The following CTSE variants were observed in gnomAD, a reference collection of about 807,000 sequenced individuals.
CTSE encodes erythrocyte membrane aspartic proteinase.
In CTSE, 43 loss-of-function variants were observed where a neutral mutation model predicts 42.8. That is an observed-to-expected ratio of 1.01 (90% CI 0.79 to 1.30). The LOEUF (loss-of-function observed/expected upper bound fraction) is 1.30, where lower values mean the gene tolerates loss of function less well. Ranked by LOEUF, CTSE falls within the 50% of genes most tolerant of loss-of-function variation. CTSE has a pLI of 0.00. For synonymous variants in CTSE, 205 were observed against 191.5 expected (o/e 1.07, Z -0.58); for missense variants, 532 against 493.5 (o/e 1.08, Z -0.74).
chr1:206,017,695 TC>T (rs1661300157), intron 4 of CTSE, among the ~76,000 whole-genome samples: 2 of 151,952 alleles, frequency 1.3e-5, no homozygotes, highest in South Asian at 4.2e-4. Context: ...GTCAGGCTGG[TC>T]TCAAACTCCT....
chr1:206,010,384 G>T (rs1661058505), intron 8 of CTSE, 37 bp from the exon 9 acceptor site: 3 of 1,580,422 alleles, frequency 1.9e-6, no homozygotes, highest in Non-Finnish European at 1.7e-6. Context: ...TGACAAACGG[G>T]GGAAGAAGGT....
chr1:206,014,288 C>T (rs1399413986), intron 5 of CTSE, among the ~76,000 whole-genome samples: 1 of 151,966 alleles, frequency 6.6e-6, no homozygotes, highest in South Asian at 2.1e-4. Flanking sequence ...GTGACAGTGC[C>T]TGGCGTTTTT....
chr1:206,013,951 G>A (rs1346354708), intron 5 of CTSE, 57 bp from the exon 6 acceptor site: 12 of 1,592,036 alleles, frequency 7.5e-6, no homozygotes, highest in East Asian at 2.2e-5. Flanking sequence ...CTCTAGGGGT[G>A]AGCCTCAGCT....
intron 4 of CTSE, among the ~76,000 whole-genome samples, chr1:206,018,106 T>C (rs28772641): frequency 0.23 from 34,944 of 151,810 alleles, 4,756 homozygotes; most frequent in African/African-American, 0.36. Context: ...TTAGATGAAG[T>C]CCTTCATTTT....
At position 206,023,797 on chromosome 1, in the gene CTSE, G is replaced by A. The variant is rs183064002; in HGVS notation, c.-6C>T. 2.3e-4 allele frequency: 379 copies of A among 1,613,420 alleles called. No individual in the cohort carries two copies. The African/African-American group carries it at 3.9e-3, about 16-fold the overall frequency. On this transcript the variant is annotated 5_prime_UTR_variant, in exon 1 of 9. Transcript: ENST00000358184. Reference sequence around the variant, plus strand: ...AAAAGAAGGAGCGTTTTCATTGTGAGTCCGACCAGCAGCTTCTCCCTTGCC... The same window carrying A: ...AAAAGAAGGAGCGTTTTCATTGTGAATCCGACCAGCAGCTTCTCCCTTGCC...
Position 206,012,379 on chromosome 1 carries a change from C to A in CTSE, c.955G>T (p.Val319Phe), listed in dbSNP as rs534190981. ...EYAVECANLNVMPDVTFTING... is the reference protein window; with the variant it reads ...EYAVECANLNFMPDVTFTING... ...ATGGTGAAGGTGACATCCGGCATGA[C>A]GTTAAGGTTGGCACACTCCACAGCA... The change falls in exon 8 of 9, where the codon GTC (valine) becomes TTC (phenylalanine). Residue 319 changes from valine to phenylalanine, a missense_variant. Physicochemically the swap from Val to Phe is conservative, Grantham distance 50. Coordinates refer to ENST00000358184, the MANE Select transcript of CTSE (RefSeq NM_001910.4). The A allele has an allele frequency of 1.2e-6, 2 of 1,613,936 alleles. No homozygotes were observed. Among genetic ancestry groups the A allele is most frequent in the African/African-American group, 1.3e-5 (1 of 75,020 alleles).
intron 2 of CTSE, among the ~76,000 whole-genome samples, chr1:206,022,588 A>G (rs1381847027): frequency 6.6e-6 from 1 of 151,954 alleles, no homozygotes; most frequent in Non-Finnish European, 1.5e-5. Flanking sequence ...GGGCTGGGAG[A>G]GGTTAAGTAA....
intron 1 of CTSE, 125 bp from the exon 2 acceptor site, chr1:206,023,182 C>T: frequency 1.0e-6 from 1 of 963,210 alleles, no homozygotes; most frequent in Non-Finnish European, 1.6e-6. Context: ...TGCAAGACAG[C>T]ACGCAGGATA....
rs957889339 is a variant in CTSE, at chr1:206,022,410, G to A, written c.226-143C>T. ...TTTACAGAGCCTAGGAAGTGGCAAC[G>A]CTGGAAAATAAAAGGTAAAAGGAGC... is the stretch of plus-strand genomic sequence containing the variant. On this transcript the variant is annotated intron_variant, in intron 2 of 8. Transcript: ENST00000358184. 2.8e-5 allele frequency: 16 copies of A among 581,186 alleles called. No homozygotes were observed. In the Middle Eastern group the frequency reaches 8.1e-4, roughly 29 times the overall value. The allele number at this position is 581,186 out of a possible 1,614,324, so 36.0% of individuals were successfully genotyped here. A position where few individuals can be genotyped will look rare whatever the true frequency, so the allele number is the denominator to read the frequency against.
intron 5 of CTSE, among the ~76,000 whole-genome samples, chr1:206,014,584 T>C (rs1661211585): frequency 6.6e-6 from 1 of 152,014 alleles, no homozygotes; most frequent in African/African-American, 2.4e-5. Flanking sequence ...CTCACATTTG[T>C]TGATTACCTT....
At chr1:206,022,860 C>A (rs781919447) in intron 2 of CTSE, 41 bp downstream of exon 2, 2 of 1,516,996 alleles carry the variant, frequency 1.3e-6, no homozygotes, top group South Asian at 1.3e-5. Context: ...GCCTTCCTCC[C>A]GCTCCCACCT....
At chr1:206,013,228 A>G (rs182104371) in intron 6 of CTSE, among the ~76,000 whole-genome samples, 6 of 151,982 alleles carry the variant, frequency 3.9e-5, no homozygotes, top group Non-Finnish European at 5.9e-5. Flanking sequence ...CACTTCCCCA[A>G]TTGCTTCGTG....
rs782792160 is a variant in CTSE, at chr1:206,023,695, C to G, written c.68+29G>C. 1.9e-6 allele frequency: 3 copies of G among 1,608,616 alleles called. No individual in the cohort carries two copies. The South Asian group carries it at 3.3e-5, about 18-fold the overall frequency. On this transcript the variant is annotated intron_variant, in intron 1 of 8. Coordinates refer to ENST00000358184, the MANE Select transcript of CTSE (RefSeq NM_001910.4). ...AGTTGCAGGGCATGGGACTACCCAG[C>G]TGAACACAGTGCGGGGACGTCTTCT...
At chr1:206,023,270 G>A (rs1301834005) in intron 1 of CTSE, among the ~76,000 whole-genome samples, 2 of 151,962 alleles carry the variant, frequency 1.3e-5, no homozygotes, top group Admixed American at 1.3e-4. Flanking sequence ...GAATCTTAGA[G>A]TGGAAATGGC....
Position 206,020,690 on chromosome 1 carries a change from A to C in CTSE, c.462+359T>G, listed in dbSNP as rs118023628. Among the ~76,000 whole-genome samples the C allele has an allele frequency of 1.8e-3, 279 of 152,078 alleles. 7 individuals are homozygous for C. The East Asian group carries it at 0.049, about 27-fold the overall frequency. On this transcript the variant is annotated intron_variant, in intron 4 of 8. Coordinates refer to ENST00000358184, the MANE Select transcript of CTSE (RefSeq NM_001910.4). ...CAGACCTTGCCCCCTTATGTTACTGAGTCCAAATCTCTCCCCCTGGTGTGG... is the reference window on the plus strand; with the variant it reads ...CAGACCTTGCCCCCTTATGTTACTGCGTCCAAATCTCTCCCCCTGGTGTGG...
At position 206,012,616 on chromosome 1, in the gene CTSE, G is replaced by A. The variant is rs374651131; in HGVS notation, c.819C>T (p.Ser273=). 2.6e-4 allele frequency: 413 copies of A among 1,613,946 alleles called. No homozygotes were observed. The highest frequency in any genetic ancestry group is 3.2e-4 in the Non-Finnish European group (377 of 1,179,906). Reference sequence around the variant, plus strand: ...TGTCCACAATGGCCTGGCAGCCCTCGGAGCAGAACATAACAGTGCCTCCCA... The same window carrying A: ...TGTCCACAATGGCCTGGCAGCCCTCAGAGCAGAACATAACAGTGCCTCCCA... The part of the protein sequence containing the change: ...IQVGGTVMFC[S]EGCQAIVDTG... The change falls in exon 7 of 9, where the codon TCC becomes TCT. Residue 273 remains serine (S), a synonymous_variant. Transcript: ENST00000358184.
chr1:206,021,255 G>T (rs1661413667), intron 3 of CTSE, 88 bp from the exon 4 acceptor site: 2 of 1,031,774 alleles, frequency 1.9e-6, no homozygotes. Flanking sequence ...CAGCGGCAGG[G>T]TCTCTTCCCT....
intron 2 of CTSE, 144 bp downstream of exon 2, chr1:206,022,757 G>A: frequency 2.6e-6 from 2 of 781,154 alleles, no homozygotes; most frequent in East Asian, 3.0e-5. Flanking sequence ...TGGGGACCCA[G>A]GGAATCAGTC....
chr1:206,012,385 G>A lies in CTSE; in HGVS notation c.949C>T (p.Leu317Phe). The change falls in exon 8 of 9, where the codon CTT becomes TTT. Residue 317 changes from leucine to phenylalanine, a missense_variant. Coordinates refer to ENST00000358184, the MANE Select transcript of CTSE (RefSeq NM_001910.4). ...DGEYAVECANLNVMPDVTFTI... is the reference protein window; with the variant it reads ...DGEYAVECANFNVMPDVTFTI... The stretch of plus-strand genomic sequence containing the variant: ...AAGGTGACATCCGGCATGACGTTAA[G>A]GTTGGCACACTCCACAGCATACTAA... 1 of 1,613,982 alleles carries A rather than the reference G, an allele frequency of 6.2e-7. No homozygotes were observed. The highest frequency in any genetic ancestry group is 8.5e-7 in the Non-Finnish European group (1 of 1,179,936).
Sources: gnomAD v4.1 joint callset for allele counts (sites outside exome capture counted in the v4.1 genomes callset) on GRCh38, gnomAD v4.1.1 for gene constraint, MANE v1.5 for transcripts, NCBI Gene and HGNC (gene_info 2026-07-23, HGNC 2026-07-21) for gene names.